The following MALRD1 variants were observed in gnomAD, a reference collection of about 807,000 sequenced individuals.
MALRD1 encodes the protein MAM and LDL-receptor class A domain-containing protein 1.
Under a neutral mutation model 242.1 loss-of-function variants are expected in MALRD1, and 247 were observed. The ratio of observed to expected loss-of-function variants is 1.02; its 90% CI spans 0.92 to 1.13. The LOEUF (loss-of-function observed/expected upper bound fraction) is 1.13. Ranked by LOEUF, MALRD1 falls within the 50% of genes most tolerant of loss-of-function variation. The pLI, the probability that MALRD1 is intolerant of heterozygous loss-of-function variation, is 0.00. For missense variants in MALRD1, 2,989 were observed against 2,533.1 expected (o/e 1.18, Z -3.86); for synonymous variants, 995 against 866.6 (o/e 1.15, Z -2.60).
At chr10:19,328,870 T>C (rs756367112) in intron 23 of MALRD1, among the ~76,000 whole-genome samples, 14 of 152,170 alleles carry the variant, frequency 9.2e-5, no homozygotes, top group Non-Finnish European at 1.9e-4. Context: ...CTGTTCAGCC[T>C]CTCAGGTCTT....
chr10:19,217,208 T>C (rs1343150940), intron 18 of MALRD1, among the ~76,000 whole-genome samples: 1 of 152,132 alleles, frequency 6.6e-6, no homozygotes, highest in Non-Finnish European at 1.5e-5. Flanking sequence ...TTGGTGGCTT[T>C]CCATGATTTA....
chr10:19,447,057 C>T (rs1589090682), intron 28 of MALRD1, among the ~76,000 whole-genome samples: 3 of 96,746 alleles, frequency 3.1e-5, no homozygotes, highest in Non-Finnish European at 6.3e-5. Flanking sequence ...CACACACACA[C>T]ACACATACAC....
At chr10:19,727,319 G>A (rs77989065) in intron 38 of MALRD1, among the ~76,000 whole-genome samples, 4,698 of 151,938 alleles carry the variant, frequency 0.031, 234 homozygotes, top group African/African-American at 0.093. Context: ...ATTTGTAATA[G>A]TTTCAGACTA....
intron 2 of MALRD1, among the ~76,000 whole-genome samples, chr10:19,071,098 G>A (rs2358283): frequency 0.068 from 10,382 of 151,752 alleles, 539 homozygotes; most frequent in East Asian, 0.27. Flanking sequence ...TGATCTCCCC[G>A]CCTCAGCATC....
intron 32 of MALRD1, among the ~76,000 whole-genome samples, chr10:19,545,980 G>T (rs1024226348): frequency 1.3e-5 from 2 of 152,028 alleles, no homozygotes; most frequent in Admixed American, 1.3e-4. Flanking sequence ...TTTCATATTT[G>T]CCTGTTAGGT....
intron 36 of MALRD1, among the ~76,000 whole-genome samples, chr10:19,673,500 G>A (rs562848762): frequency 2.4e-4 from 36 of 152,304 alleles, no homozygotes; most frequent in African/African-American, 7.9e-4. Context: ...CTTATATTCA[G>A]ATTGCCAGTA....
intron 28 of MALRD1, among the ~76,000 whole-genome samples, chr10:19,399,857 A>G (rs16918587): frequency 0.018 from 2,792 of 152,258 alleles, 76 homozygotes; most frequent in African/African-American, 0.064. Context: ...TGTTGTGACA[A>G]TAAAGCTCCT....
rs751953432 is a variant in MALRD1, at chr10:19,257,675, T to A, written c.2992-9T>A. 30 of 1,508,712 alleles carry A rather than the reference T, an allele frequency of 2.0e-5. No individual in the cohort carries two copies. The highest frequency in any genetic ancestry group is 2.8e-5 in the African/African-American group (2 of 71,774). The allele number at this position is 1,508,712 out of a possible 1,614,324, so 93.5% of individuals were successfully genotyped here. ...TTTCTTATTTTTATTTTTTATTTTA[T>A]TTTTTTAGATATTGGTGGAGGCTTC... On this transcript the variant is annotated splice_polypyrimidine_tract_variant and intron_variant, in intron 18 of 39. Coordinates refer to ENST00000454679, the MANE Select transcript of MALRD1 (RefSeq NM_001142308.3).
intron 22 of MALRD1, among the ~76,000 whole-genome samples, chr10:19,326,155 G>A (rs11009488): frequency 0.13 from 19,936 of 152,034 alleles, 1,345 homozygotes; most frequent in South Asian, 0.16. Flanking sequence ...CTGGGTTGAC[G>A]TTAAAACTTA....
chr10:19,396,318 G>A (rs1034475838), intron 28 of MALRD1, among the ~76,000 whole-genome samples: 4 of 151,630 alleles, frequency 2.6e-5, no homozygotes, highest in African/African-American at 9.7e-5. Context: ...TGTATTTTTA[G>A]TAAAGACGGG....
chr10:19,636,421 G>A (rs1840126547), intron 36 of MALRD1, among the ~76,000 whole-genome samples: 1 of 151,826 alleles, frequency 6.6e-6, no homozygotes, highest in Non-Finnish European at 1.5e-5. Context: ...ATATAATGTT[G>A]GTATCAACAA....
chr10:19,587,561 T>C (rs1220247262), intron 33 of MALRD1, among the ~76,000 whole-genome samples: 2 of 152,242 alleles, frequency 1.3e-5, no homozygotes, highest in East Asian at 1.9e-4. Flanking sequence ...GCACATTTCA[T>C]TGAATTTCAT....
chr10:19,238,923 G>A (rs1838628133), intron 18 of MALRD1, among the ~76,000 whole-genome samples: 2 of 151,540 alleles, frequency 1.3e-5, no homozygotes, highest in Admixed American at 1.3e-4. Context: ...CATTCTAATG[G>A]GTGAACTGGT....
At chr10:19,190,806 C>G (rs951322620) in intron 14 of MALRD1, among the ~76,000 whole-genome samples, 1 of 151,952 alleles carries the variant, frequency 6.6e-6, no homozygotes, top group African/African-American at 2.4e-5. Flanking sequence ...AAAAGTAACT[C>G]AAAATCAATC....
rs149600895 is a variant in MALRD1, at chr10:19,631,846, G to C, written c.6137+15923G>C. 7.2e-5 allele frequency among the ~76,000 whole-genome samples: 11 copies of C among 152,162 alleles called. No homozygotes were observed. In the East Asian group the frequency reaches 1.5e-3, roughly 21 times the overall value. ...CTTCTTAGTGGGGTTGCTTTTTCTT[G>C]TAAATTTGTTCAAGTTCCTTATAGA... On this transcript the variant is annotated intron_variant, in intron 36 of 39. Transcript: ENST00000454679.
At chr10:19,370,319 G>T (rs1292434711) in intron 26 of MALRD1, among the ~76,000 whole-genome samples, 2 of 152,050 alleles carry the variant, frequency 1.3e-5, no homozygotes, top group African/African-American at 4.8e-5. Flanking sequence ...GGGAGGATTG[G>T]TGTATGAATT....
chr10:19,723,505 G>A (rs1834870772), intron 38 of MALRD1, among the ~76,000 whole-genome samples: 1 of 152,100 alleles, frequency 6.6e-6, no homozygotes, highest in Non-Finnish European at 1.5e-5. Context: ...AGACCAAGAT[G>A]AGAGGATTGC....
chr10:19,674,714 T>C (rs1008665075), intron 36 of MALRD1, among the ~76,000 whole-genome samples: 3 of 152,154 alleles, frequency 2.0e-5, no homozygotes, highest in Non-Finnish European at 4.4e-5. Flanking sequence ...TTCAAAAACC[T>C]GTTTCTTGGA....
chr10:19,311,380 T>G (rs1842416448), intron 21 of MALRD1, among the ~76,000 whole-genome samples: 1 of 151,464 alleles, frequency 6.6e-6, no homozygotes, highest in Non-Finnish European at 1.5e-5. Flanking sequence ...CATATCTACT[T>G]TAAAGTAAAT....
Sources: gnomAD v4.1 joint callset for allele counts (sites outside exome capture counted in the v4.1 genomes callset) on GRCh38, gnomAD v4.1.1 for gene constraint, MANE v1.5 for transcripts, NCBI Gene and HGNC (gene_info 2026-07-23, HGNC 2026-07-21) for gene names.